Variants in DACH2 observed in about 807,000 individuals in gnomAD.
The protein encoded by DACH2 is dachshund homolog 2.
A neutral mutation model predicts 35.8 loss-of-function variants in DACH2; 17 were observed. The ratio of observed to expected loss-of-function variants is 0.48; its 90% CI spans 0.33 to 0.71. The LOEUF (loss-of-function observed/expected upper bound fraction) is 0.71, where lower values mean the gene tolerates loss of function less well. Ranked by LOEUF, DACH2 falls within the 30% of genes least tolerant of loss-of-function variation. The pLI is 0.02. For synonymous variants in DACH2, 195 were observed against 177.3 expected (o/e 1.10, Z -0.79); for missense variants, 469 against 472.7 (o/e 0.99, Z 0.07).
At chrX:86,626,616 G>A (rs1331696877) in intron 3 of DACH2, among the ~76,000 whole-genome samples, 1 of 113,071 alleles carries the variant, frequency 8.8e-6, no homozygotes, top group East Asian at 2.8e-4. Flanking sequence ...TAGACATCCA[G>A]GAGCTTCTGT....
chrX:86,163,372 C>G (rs1374286042), intron 1 of DACH2, among the ~76,000 whole-genome samples: 7 of 107,502 alleles, frequency 6.5e-5, no homozygotes, highest in Non-Finnish European at 1.4e-4. Context: ...TTGCAAATGA[C>G]TGGGTCTCAC....
At chrX:86,294,211 T>G (rs183817236) in intron 1 of DACH2, among the ~76,000 whole-genome samples, 2 of 111,903 alleles carry the variant, frequency 1.8e-5, no homozygotes, top group African/African-American at 3.3e-5. Flanking sequence ...TCCAGTTGAT[T>G]GCATCGGCTC....
At chrX:86,387,726 A>G (rs1367675111) in intron 2 of DACH2, among the ~76,000 whole-genome samples, 2 of 112,288 alleles carry the variant, frequency 1.8e-5, no homozygotes, top group Non-Finnish European at 3.8e-5. Flanking sequence ...AGTATCTAGC[A>G]TATTTTCCTG....
intron 3 of DACH2, among the ~76,000 whole-genome samples, chrX:86,605,642 C>A (rs981513863): frequency 9.1e-6 from 1 of 110,302 alleles, no homozygotes; most frequent in African/African-American, 3.3e-5. Context: ...TTTTTTCAGC[C>A]CTTTTTGCTC....
At chrX:86,174,429 T>C (rs1280092713) in intron 1 of DACH2, among the ~76,000 whole-genome samples, 1 of 111,070 alleles carries the variant, frequency 9.0e-6, no homozygotes, top group Non-Finnish European at 1.9e-5. Context: ...GCCCAGCCTA[T>C]TTTTAAAAAT....
chrX:86,313,390 G>T (rs1331464577), intron 1 of DACH2, among the ~76,000 whole-genome samples: 1 of 111,634 alleles, frequency 9.0e-6, no homozygotes, highest in Admixed American at 9.6e-5. Flanking sequence ...CAAAGTAAAT[G>T]AAACTGCATA....
intron 3 of DACH2, among the ~76,000 whole-genome samples, chrX:86,612,487 C>T (rs918305685): frequency 1.8e-5 from 2 of 111,208 alleles, no homozygotes; most frequent in African/African-American, 6.5e-5. Context: ...GCAATTTAGC[C>T]TACAGGGTCA....
intron 2 of DACH2, among the ~76,000 whole-genome samples, chrX:86,397,709 G>T (rs756980600): frequency 3.6e-5 from 4 of 111,657 alleles, no homozygotes; most frequent in African/African-American, 1.3e-4. Context: ...ATTTTCCTAT[G>T]TTGAACCAGC....
Position 86,212,879 on chromosome X carries a change from C to T in DACH2, c.488+63771C>T, listed in dbSNP as rs372245567. ...AATTGCAGTCTATTTTTTACTGCAA[C>T]TTTTACCCAGGAGGCACAAAAGTCA... is the stretch of plus-strand genomic sequence containing the variant. On this transcript the variant is annotated intron_variant, in intron 1 of 11. Transcript: ENST00000373125. Among the ~76,000 whole-genome samples the T allele has an allele frequency of 4.5e-5, 5 of 111,175 alleles. No homozygotes were observed. In the South Asian group the frequency reaches 1.9e-3, roughly 41 times the overall value.
intron 1 of DACH2, among the ~76,000 whole-genome samples, chrX:86,289,355 G>A (rs1320840147): frequency 9.3e-6 from 1 of 107,644 alleles, no homozygotes; most frequent in Non-Finnish European, 1.9e-5. Flanking sequence ...GGTTAGGGGA[G>A]GGTTGATGTA....
chrX:86,537,506 T>C (rs1444471339), intron 3 of DACH2, among the ~76,000 whole-genome samples: 1 of 111,781 alleles, frequency 8.9e-6, no homozygotes, highest in African/African-American at 3.3e-5. Flanking sequence ...CTGAAAATGC[T>C]TTCATTCTCT....
intron 1 of DACH2, among the ~76,000 whole-genome samples, chrX:86,239,297 C>A (rs1193802355): frequency 9.0e-6 from 1 of 111,238 alleles, no homozygotes; most frequent in Admixed American, 9.6e-5. Flanking sequence ...ACACCTGTGC[C>A]TGTGTAGCCA....
At chrX:86,670,296 G>T (rs1452294512) in intron 4 of DACH2, among the ~76,000 whole-genome samples, 1 of 111,080 alleles carries the variant, frequency 9.0e-6, no homozygotes, top group Non-Finnish European at 1.9e-5. Context: ...TGATTGTGTA[G>T]TGTGCCATTG....
intron 3 of DACH2, among the ~76,000 whole-genome samples, chrX:86,631,225 C>A (rs1262782611): frequency 8.9e-6 from 1 of 111,979 alleles, no homozygotes; most frequent in Non-Finnish European, 1.9e-5. Context: ...CATGTGGTTT[C>A]TTTGCTCTTT....
At chrX:86,292,223 G>T (rs1257447026) in intron 1 of DACH2, among the ~76,000 whole-genome samples, 1 of 92,122 alleles carries the variant, frequency 1.1e-5, no homozygotes, top group Non-Finnish European at 2.1e-5. Flanking sequence ...AGAGGTGTTT[G>T]TAGTATTCTC....
At chrX:86,767,884 G>A (rs185670967) in intron 7 of DACH2, among the ~76,000 whole-genome samples, 239 of 111,805 alleles carry the variant, frequency 2.1e-3, no homozygotes, top group Non-Finnish European at 3.4e-3. Context: ...TCTTCATAAA[G>A]TATGTTACAG....
chrX:86,452,466 G>T (rs2037395727), intron 2 of DACH2, among the ~76,000 whole-genome samples: 2 of 110,907 alleles, frequency 1.8e-5, no homozygotes, highest in South Asian at 3.7e-4. Flanking sequence ...GGCCTTTTTT[G>T]GTTGGTAGGC....
chrX:86,311,522 A>G (rs966111211), intron 1 of DACH2, among the ~76,000 whole-genome samples: 1 of 111,371 alleles, frequency 9.0e-6, no homozygotes, highest in African/African-American at 3.3e-5. Flanking sequence ...AATATATGGT[A>G]CTGTTTCTCT....
Position 86,609,524 on chromosome X carries a change from C to T in DACH2, c.641-41512C>T, listed in dbSNP as rs538649668. ...TTTCCTGAATTATCTTTATACTTGT[C>T]GGTGTTTGTGTCTAGTTATTAAAGA... On this transcript the variant is annotated intron_variant, in intron 3 of 11. Transcript: ENST00000373125. Among the ~76,000 whole-genome samples the T allele has an allele frequency of 1.1e-4, 12 of 111,591 alleles. 1 individual carries two copies. In the South Asian group the frequency reaches 4.1e-3, roughly 38 times the overall value.
Sources: allele counts gnomAD v4.1 joint callset (sites outside exome capture counted in the v4.1 genomes callset), GRCh38; gene constraint gnomAD v4.1.1; transcripts MANE v1.5; gene names NCBI Gene and HGNC (gene_info 2026-07-23, HGNC 2026-07-21).